AFMID: variants seen among roughly 807,000 people sequenced by gnomAD.
The protein encoded by AFMID is kynurenine formamidase.
AFMID carries 39 observed loss-of-function variants against 47.5 expected under a neutral mutation model. The ratio of observed to expected loss-of-function variants is 0.82; its 90% CI spans 0.64 to 1.07. The LOEUF (loss-of-function observed/expected upper bound fraction) is 1.07, where lower values mean the gene tolerates loss of function less well. Among genes scored for constraint, AFMID ranks in the 50% least tolerant of loss-of-function variants. The pLI, the probability that AFMID is intolerant of heterozygous loss-of-function variation, is 0.00. For synonymous variants in AFMID, 130 were observed against 153.2 expected (o/e 0.85, Z 1.12); for missense variants, 375 against 387.5 (o/e 0.97, Z 0.27).
At chr17:78,205,054 C>G in intron 6 of AFMID, 39 bp from the exon 7 acceptor site, 2 of 1,581,006 alleles carry the variant, frequency 1.3e-6, no homozygotes, top group South Asian at 2.3e-5. Flanking sequence ...TGTGGGGAAA[C>G]TGCGTGCAAA....
intron 4 of AFMID, chr17:78,203,055 C>CTT (rs56016227): frequency 0.016 from 1,819 of 110,992 alleles, 9 homozygotes; most frequent in Non-Finnish European, 0.02. Context: ...CTTCCTCTCT[C>CTT]TTTTTTTTTT....
rs778729777 is a variant in AFMID, at chr17:78,204,667, C to G, written c.320C>G (p.Ser107Cys). Residue 107 changes from serine (S) to cysteine (C), a missense_variant, in exon 5 of 11, where the codon TCT (serine) becomes TGT (cysteine). Transcript: ENST00000409257. Reference protein sequence around the residue: ...GYWQSGSKDESAFMVHPLTAQ... With the variant: ...GYWQSGSKDECAFMVHPLTAQ... ...GTGTGTCTCTGCAGTAAGGATGAGT[C>G]TGCCTTCATGGTCCACCCGCTGACG... 1.2e-6 allele frequency: 2 copies of G among 1,614,146 alleles called. No homozygotes were observed. Among genetic ancestry groups the G allele is most frequent in the South Asian group, 2.2e-5 (2 of 91,056 alleles).
chr17:78,193,736 G>A (rs1364660079), intron 2 of AFMID, among the ~76,000 whole-genome samples: 1 of 152,016 alleles, frequency 6.6e-6, no homozygotes, highest in Non-Finnish European at 1.5e-5. Context: ...CCAGCACTTT[G>A]CGGGGCTGAG....
Position 78,206,304 on chromosome 17 carries a change from A to C in AFMID, c.885+254A>C, listed in dbSNP as rs145177194. Among the ~76,000 whole-genome samples the C allele has an allele frequency of 9.1e-4, 127 of 140,050 alleles. 1 individual carries two copies. The East Asian group carries it at 0.027, about 30-fold the overall frequency. The allele number at this position is 140,050 out of a possible 152,430, so 91.9% of individuals were successfully genotyped here. ...CAGTGAGCCAAGATTGCACCACTGC[A>C]CTCCGGCCTGAGCGACAGAGTAAGA... On this transcript the variant is annotated intron_variant, in intron 10 of 10. Coordinates refer to ENST00000409257, the MANE Select transcript of AFMID (RefSeq NM_001010982.5).
At position 78,205,197 on chromosome 17, in the gene AFMID, A is replaced by G. The variant is rs2076346378; in HGVS notation, c.565+7A>G. On this transcript the variant is annotated splice_region_variant and intron_variant, in intron 7 of 10. Transcript: ENST00000409257. ...GTCACGCCCAACCTCAGAGGTTTCC[A>G]TGGGAGCTACAGCCTGGCTGGGCAA... is the stretch of plus-strand genomic sequence containing the variant. The G allele has an allele frequency of 1.2e-6, 2 of 1,608,296 alleles. No homozygotes were observed. Among genetic ancestry groups the G allele is most frequent in the Admixed American group, 1.7e-5 (1 of 59,022 alleles).
Position 78,197,464 on chromosome 17 carries a change from C to T in AFMID, c.155-5035C>T, listed in dbSNP as rs372168895. The T allele has an allele frequency of 2.5e-3, 1,076 of 422,776 alleles. 38 individuals are homozygous for T. The South Asian group carries it at 0.036, about 14-fold the overall frequency. The allele number at this position is 422,776 out of a possible 1,614,324, so 26.2% of individuals were successfully genotyped here. On this transcript the variant is annotated intron_variant, in intron 2 of 10. Transcript: ENST00000409257. Reference sequence around the variant, plus strand: ...CAGCAAAGGATTGGTGGCAGGTCTGCAGCCCTGGGGCTTATCAGACACCAA... The same window carrying T: ...CAGCAAAGGATTGGTGGCAGGTCTGTAGCCCTGGGGCTTATCAGACACCAA...
At position 78,207,450 on chromosome 17, in the gene AFMID, A is replaced by AT. The variant is rs2076411574; in HGVS notation, c.*518dup. 6.5e-6 allele frequency: 1 copy of AT among 154,090 alleles called. No individual in the cohort carries two copies. The highest frequency in any genetic ancestry group is 1.4e-5 in the Non-Finnish European group (1 of 69,812). The allele number at this position is 154,090 out of a possible 1,614,324, so 9.5% of individuals were successfully genotyped here. On this transcript the variant is annotated 3_prime_UTR_variant, in exon 11 of 11. Coordinates refer to ENST00000409257, the MANE Select transcript of AFMID (RefSeq NM_001010982.5). ...AGGCGCCTGCCATCATGCCTGGCTAATTTTTGTATTTTTAGTAGAGACGGG... is the reference window on the plus strand; with the variant it reads ...AGGCGCCTGCCATCATGCCTGGCTAATTTTTTGTATTTTTAGTAGAGACGGG...
At chr17:78,197,154 ACTC>A in intron 2 of AFMID, 2 of 1,550,296 alleles carry the variant, frequency 1.3e-6, no homozygotes, top group Non-Finnish European at 1.7e-6. Context: ...AGGCTTGAGA[ACTC>A]CTGTGTGAAT....
chr17:78,187,481 C>G (rs369960360), intron 1 of AFMID, 48 bp downstream of exon 1: 2 of 1,603,644 alleles, frequency 1.2e-6, no homozygotes, highest in Non-Finnish European at 1.7e-6. Context: ...GGAGTTAGCT[C>G]ATTTATTAGA....
At chr17:78,202,092 C>G (rs1216795588) in intron 2 of AFMID, among the ~76,000 whole-genome samples, 1 of 151,812 alleles carries the variant, frequency 6.6e-6, no homozygotes, top group Non-Finnish European at 1.5e-5. Flanking sequence ...CTTAAGGGAG[C>G]TTTCAGCTGG....
At position 78,202,617 on chromosome 17, in the gene AFMID, G is replaced by A. The variant is rs1300600056; in HGVS notation, c.259+14G>A. On this transcript the variant is annotated intron_variant, in intron 3 of 10. Transcript: ENST00000409257. ...AGTCGTCTGAAGGTTGTCGGTGAAGGGGCTGGGGGTCCCGGGGCTTGGGGG... is the reference window on the plus strand; with the variant it reads ...AGTCGTCTGAAGGTTGTCGGTGAAGAGGCTGGGGGTCCCGGGGCTTGGGGG... 1.9e-6 allele frequency: 3 copies of A among 1,612,382 alleles called. No homozygotes were observed. Among genetic ancestry groups the A allele is most frequent in the African/African-American group, 2.7e-5 (2 of 74,902 alleles).
intron 2 of AFMID, among the ~76,000 whole-genome samples, chr17:78,200,788 A>G (rs1049333933): frequency 1.3e-5 from 2 of 152,212 alleles, no homozygotes; most frequent in African/African-American, 4.8e-5. Context: ...GAGACACTCA[A>G]TTTGCAGTAC....
intron 2 of AFMID, among the ~76,000 whole-genome samples, chr17:78,191,880 G>A (rs957093367): frequency 6.6e-6 from 1 of 151,848 alleles, no homozygotes; most frequent in Non-Finnish European, 1.5e-5. Flanking sequence ...AGTAGAGATG[G>A]GGCCACCATG....
chr17:78,192,975 G>C (rs538258173), intron 2 of AFMID, among the ~76,000 whole-genome samples: 28 of 152,294 alleles, frequency 1.8e-4, no homozygotes, highest in Non-Finnish European at 3.5e-4. Context: ...ATAGATTGGG[G>C]GGGAGCTGTT....
chr17:78,201,213 GA>G (rs1468968280), intron 2 of AFMID, among the ~76,000 whole-genome samples: 3 of 146,810 alleles, frequency 2.0e-5, no homozygotes, highest in African/African-American at 7.5e-5. Context: ...AGAATTGCTG[GA>G]ACCCAGGAGG....
At chr17:78,200,488 G>T (rs568119025) in intron 2 of AFMID, among the ~76,000 whole-genome samples, 6 of 152,298 alleles carry the variant, frequency 3.9e-5, no homozygotes, top group Non-Finnish European at 5.9e-5. Context: ...GGTGTTATTA[G>T]CTAAAGTCAA....
In AFMID at chr17:78,205,462, C is replaced by G. The variant is rs1232289718; in HGVS notation, c.588C>G (p.Val196=). The G allele has an allele frequency of 6.2e-7, 1 of 1,614,188 alleles. No homozygotes were observed. Among genetic ancestry groups the G allele is most frequent in the East Asian group, 2.2e-5 (1 of 44,878 alleles). The part of the protein sequence containing the change: ...NLRGFFLVSG[V]FDLEPIVYTS... ...CAGGCTTTTTCCTGGTGAGTGGGGT[C>G]TTTGACCTGGAGCCCATCGTGTATA... Residue 196 remains valine (V), a synonymous_variant, in exon 8 of 11, where the codon GTC becomes GTG. Transcript: ENST00000409257.
Position 78,187,374 on chromosome 17 carries a change from A to G in AFMID, c.4A>G (p.Met2Val), listed in dbSNP as rs2075820750. 9 of 1,613,840 alleles carry G rather than the reference A, an allele frequency of 5.6e-6. No homozygotes were observed. The highest frequency in any genetic ancestry group is 6.8e-6 in the Non-Finnish European group (8 of 1,179,918). The stretch of plus-strand genomic sequence containing the variant: ...CGCCCATGCGGCTGTAGACGCCATG[A>G]TGGATGTGTCTGGTGTGGGTTTCCC... M[M>V]DVSGVGFPSK... The change falls in exon 1 of 11, where the codon ATG (methionine) becomes GTG (valine). Residue 2 changes from methionine (M) to valine (V), a missense_variant. Physicochemically the swap from Met to Val is conservative, Grantham distance 21. Coordinates refer to ENST00000409257, the MANE Select transcript of AFMID (RefSeq NM_001010982.5).
intron 2 of AFMID, chr17:78,192,619 C>T (rs943101120): frequency 1.3e-5 from 6 of 470,896 alleles, no homozygotes; most frequent in African/African-American, 1.0e-4. Flanking sequence ...TGGACTTTCA[C>T]CTTTTCTTTC....
Sources: allele counts gnomAD v4.1 joint callset (sites outside exome capture counted in the v4.1 genomes callset), GRCh38; gene constraint gnomAD v4.1.1; transcripts MANE v1.5; gene names NCBI Gene and HGNC (gene_info 2026-07-23, HGNC 2026-07-21).